ARL6IP6: variants seen among roughly 807,000 people sequenced by gnomAD.
ARL6IP6 encodes ADP-ribosylation factor-like protein 6-interacting protein 6.
In ARL6IP6, 22 loss-of-function variants were observed where a neutral mutation model predicts 21.5. The observed-to-expected ratio is 1.02, with a 90% confidence interval of 0.73 to 1.46. ARL6IP6 has a LOEUF of 1.46. Ranked by LOEUF, ARL6IP6 falls within the 40% of genes most tolerant of loss-of-function variation. ARL6IP6 has a pLI of 0.00. For synonymous variants in ARL6IP6, 164 were observed against 125.3 expected, an observed-to-expected ratio of 1.31 and a Z score of -2.06; for missense variants, 388 against 299.8, an observed-to-expected ratio of 1.29 and a Z score of -2.17.
At chr2:152,746,957 C>T (rs1701085778) in intron 3 of ARL6IP6, among the ~76,000 whole-genome samples, 1 of 149,112 alleles carries the variant, frequency 6.7e-6, no homozygotes, top group African/African-American at 2.5e-5. Context: ...TCCCAAATTG[C>T]TGGGACTACA....
intron 2 of ARL6IP6, among the ~76,000 whole-genome samples, chr2:152,721,104 A>C (rs1309315246): frequency 6.6e-6 from 1 of 152,118 alleles, no homozygotes; most frequent in Non-Finnish European, 1.5e-5. Context: ...AAACAATAAT[A>C]ATTTTTTTAA....
In ARL6IP6 at chr2:152,760,524, TA is replaced by T. The variant is rs1701792494; in HGVS notation, c.*686del. ...CAAACCTAGTACCTGCCATTTTTAC[TA>T]ATTTTTGTCTTTAAAAAAAGCAAAA... On this transcript the variant is annotated 3_prime_UTR_variant, in exon 4 of 4. Transcript: ENST00000326446. The T allele has an allele frequency of 6.6e-6, 1 of 152,046 alleles. No homozygotes were observed. Among genetic ancestry groups the T allele is most frequent in the African/African-American group, 2.4e-5 (1 of 41,432 alleles). 9.4% of individuals were successfully genotyped at this position (152,046 alleles called of 1,614,324 possible).
intron 2 of ARL6IP6, among the ~76,000 whole-genome samples, chr2:152,734,116 C>T (rs537171536): frequency 6.6e-6 from 1 of 152,162 alleles, no homozygotes; most frequent in Non-Finnish European, 1.5e-5. Flanking sequence ...TGAATAGTAT[C>T]CAAAAACCTT....
Position 152,761,162 on chromosome 2 carries a change from AG to A in ARL6IP6, c.*1324del, listed in dbSNP as rs1489405925. 6.6e-6 allele frequency: 1 copy of A among 152,192 alleles called. No individual in the cohort carries two copies. Among genetic ancestry groups the A allele is most frequent in the Non-Finnish European group, 1.5e-5 (1 of 68,040 alleles). The allele number at this position is 152,192 out of a possible 1,614,324, so 9.4% of individuals were successfully genotyped here. A position where few individuals can be genotyped will look rare whatever the true frequency, so the allele number is the denominator to read the frequency against. On this transcript the variant is annotated 3_prime_UTR_variant, in exon 4 of 4. Coordinates refer to ENST00000326446, the MANE Select transcript of ARL6IP6 (RefSeq NM_152522.7). ...ACTGAATGTTGTTACCGACTAAACA[AG>A]GTTTCTAAAAGTCTCGCATTTCTTT...
rs1177379594 is a variant in ARL6IP6, at chr2:152,735,273, G to C, written c.587+147G>C. On this transcript the variant is annotated intron_variant, in intron 3 of 3. Transcript: ENST00000326446. Reference sequence around the variant, plus strand: ...AATAACAGGACTTTTCAGCTTGTAGGCTCAGCCTTTAGATACATGAGAATA... The same window carrying C: ...AATAACAGGACTTTTCAGCTTGTAGCCTCAGCCTTTAGATACATGAGAATA... 2.5e-5 allele frequency: 18 copies of C among 734,266 alleles called. No homozygotes were observed. The South Asian group carries it at 3.1e-4, about 13-fold the overall frequency. The allele number at this position is 734,266 out of a possible 1,614,324, so 45.5% of individuals were successfully genotyped here. A position where few individuals can be genotyped will look rare whatever the true frequency, so the allele number is the denominator to read the frequency against.
At chr2:152,718,439 C>T (rs1322802470), upstream of ARL6IP6, 1 of 765,550 alleles carries the variant, frequency 1.3e-6, no homozygotes, top group African/African-American at 1.8e-5. Flanking sequence ...GGTCGAAGCG[C>T]ATTCCGCCTC....
At chr2:152,723,908 C>G (rs1011856606) in intron 2 of ARL6IP6, among the ~76,000 whole-genome samples, 4 of 152,074 alleles carry the variant, frequency 2.6e-5, no homozygotes, top group African/African-American at 9.7e-5. Flanking sequence ...GATTGAAACT[C>G]TGAACTTGAA....
At chr2:152,749,477 G>A (rs1701219705) in intron 3 of ARL6IP6, among the ~76,000 whole-genome samples, 1 of 152,148 alleles carries the variant, frequency 6.6e-6, no homozygotes, top group South Asian at 2.1e-4. Context: ...TTGGAAGGGA[G>A]AATCTAAGTA....
At chr2:152,755,611 G>T (rs1701551173) in intron 3 of ARL6IP6, among the ~76,000 whole-genome samples, 1 of 152,142 alleles carries the variant, frequency 6.6e-6, no homozygotes, top group African/African-American at 2.4e-5. Flanking sequence ...GCAGAGAAGG[G>T]CCCCCTGTCC....
chr2:152,728,898 A>G (rs1700169533), intron 2 of ARL6IP6, among the ~76,000 whole-genome samples: 1 of 152,048 alleles, frequency 6.6e-6, no homozygotes, highest in Admixed American at 6.5e-5. Context: ...GTCTCTACTA[A>G]AAGTACAGAA....
chr2:152,719,649 C>T (rs1699630368), intron 1 of ARL6IP6, among the ~76,000 whole-genome samples: 1 of 150,140 alleles, frequency 6.7e-6, no homozygotes, highest in South Asian at 2.1e-4. Flanking sequence ...GCAAGGCATA[C>T]GGTTGTATAA....
chr2:152,748,985 G>A (rs1261341754), intron 3 of ARL6IP6, among the ~76,000 whole-genome samples: 1 of 152,078 alleles, frequency 6.6e-6, no homozygotes, highest in African/African-American at 2.4e-5. Context: ...AATTTATTTG[G>A]AATTTTTGGA....
intron 3 of ARL6IP6, among the ~76,000 whole-genome samples, chr2:152,754,099 T>A (rs1701467906): frequency 6.6e-6 from 1 of 152,082 alleles, no homozygotes; most frequent in Non-Finnish European, 1.5e-5. Context: ...TTAAAATGAT[T>A]AAGTATTTAA....
At chr2:152,746,968 G>T (rs966429849) in intron 3 of ARL6IP6, among the ~76,000 whole-genome samples, 1 of 151,476 alleles carries the variant, frequency 6.6e-6, no homozygotes, top group African/African-American at 2.4e-5. Flanking sequence ...TGGGACTACA[G>T]GCGAGTGCTG....
chr2:152,753,722 C>T (rs1310011305), intron 3 of ARL6IP6, among the ~76,000 whole-genome samples: 4 of 108,566 alleles, frequency 3.7e-5, no homozygotes, highest in Non-Finnish European at 3.6e-5. Flanking sequence ...TTTTTTTTGA[C>T]GGAGTCTCGC....
rs1701839019 is a variant in ARL6IP6, at chr2:152,761,407, T to C, written c.*1567T>C. On this transcript the variant is annotated 3_prime_UTR_variant, in exon 4 of 4. Transcript: ENST00000326446. ...CCAAAGAGCCCTTTCATTGCAAAGA[T>C]GTACACAAGTAACAGAATCAATTTA... Among the ~76,000 whole-genome samples, 1 of 152,180 alleles carries C rather than the reference T, an allele frequency of 6.6e-6. No individual in the cohort carries two copies. The highest frequency in any genetic ancestry group is 2.4e-5 in the African/African-American group (1 of 41,458).
At chr2:152,741,398 G>GT (rs1248117577) in intron 3 of ARL6IP6, among the ~76,000 whole-genome samples, 8,829 of 142,460 alleles carry the variant, frequency 0.062, 752 homozygotes, top group African/African-American at 0.19. Context: ...AAGTACCTGG[G>GT]TTTTTTTTTT....
chr2:152,749,192 A>G (rs1701196655), intron 3 of ARL6IP6, among the ~76,000 whole-genome samples: 1 of 152,050 alleles, frequency 6.6e-6, no homozygotes, highest in African/African-American at 2.4e-5. Context: ...ATATTGCTAG[A>G]CATTATATTT....
At chr2:152,758,825 A>G (rs1158427365) in intron 3 of ARL6IP6, among the ~76,000 whole-genome samples, 1 of 151,928 alleles carries the variant, frequency 6.6e-6, no homozygotes, top group Non-Finnish European at 1.5e-5. Flanking sequence ...GGCTTTGGCT[A>G]CTCCTTAGGA....
Sources: gnomAD v4.1 joint callset for allele counts (sites outside exome capture counted in the v4.1 genomes callset) on GRCh38, gnomAD v4.1.1 for gene constraint, MANE v1.5 for transcripts, NCBI Gene and HGNC (gene_info 2026-07-23, HGNC 2026-07-21) for gene names.